Variants in TACR1 observed in about 807,000 individuals in gnomAD.
TACR1 encodes substance-P receptor.
In TACR1, 25 loss-of-function variants were observed where a neutral mutation model predicts 35.8. The ratio of observed to expected loss-of-function variants is 0.70; its 90% CI spans 0.51 to 0.98. TACR1 has a LOEUF of 0.98. TACR1 is among the 50% of genes least tolerant of loss of function. The pLI, the probability that TACR1 is intolerant of heterozygous loss-of-function variation, is 0.00. For missense variants in TACR1, 478 were observed against 522.9 expected, an observed-to-expected ratio of 0.91 and a Z score of 0.84; for synonymous variants, 195 against 206.7, an observed-to-expected ratio of 0.94 and a Z score of 0.48.
At chr2:75,084,675 A>T (rs899696796) in intron 2 of TACR1, among the ~76,000 whole-genome samples, 1 of 152,056 alleles carries the variant, frequency 6.6e-6, no homozygotes, top group African/African-American at 2.4e-5. Context: ...TGTGTCGAGG[A>T]ATTTATCCAT....
intron 2 of TACR1, among the ~76,000 whole-genome samples, chr2:75,115,339 T>A (rs760151183): frequency 6.6e-6 from 1 of 152,182 alleles, no homozygotes; most frequent in African/African-American, 2.4e-5. Context: ...CTTGATGATA[T>A]ACTTTGCTGG....
chr2:75,158,840 C>T (rs560036139), intron 1 of TACR1, among the ~76,000 whole-genome samples: 18 of 152,252 alleles, frequency 1.2e-4, no homozygotes, highest in African/African-American at 3.8e-4. Context: ...CGAACTCAAA[C>T]GGTCCCATGT....
At chr2:75,077,986 T>C (rs549534750) in intron 2 of TACR1, among the ~76,000 whole-genome samples, 1 of 152,356 alleles carries the variant, frequency 6.6e-6, no homozygotes, top group East Asian at 1.9e-4. Context: ...TTCTGGAGAA[T>C]CTGCATTTTA....
intron 2 of TACR1, among the ~76,000 whole-genome samples, chr2:75,100,150 A>T (rs923815676): frequency 2.0e-5 from 3 of 152,110 alleles, no homozygotes; most frequent in Non-Finnish European, 4.4e-5. Flanking sequence ...AGGATGATGT[A>T]GTAGCTAATG....
At chr2:75,132,177 A>G (rs956750171) in intron 1 of TACR1, among the ~76,000 whole-genome samples, 1 of 152,212 alleles carries the variant, frequency 6.6e-6, no homozygotes, top group African/African-American at 2.4e-5. Flanking sequence ...ATCAAAATAA[A>G]GTATAAAATT....
At chr2:75,185,473 G>A (rs1675669959) in intron 1 of TACR1, among the ~76,000 whole-genome samples, 1 of 151,772 alleles carries the variant, frequency 6.6e-6, no homozygotes, top group Non-Finnish European at 1.5e-5. Context: ...CCATCAAAAG[G>A]TTATAGCCTT....
chr2:75,120,230 G>T (rs956676263), intron 2 of TACR1, among the ~76,000 whole-genome samples: 2 of 152,106 alleles, frequency 1.3e-5, no homozygotes, highest in Middle Eastern at 3.2e-3. Context: ...AGAGAAGAGC[G>T]GCATTCTGTA....
At chr2:75,066,650 TC>T (rs1219664653) in intron 2 of TACR1, among the ~76,000 whole-genome samples, 1 of 152,202 alleles carries the variant, frequency 6.6e-6, no homozygotes, top group Non-Finnish European at 1.5e-5. Context: ...AGAGAGACTC[TC>T]GGTTAACTGA....
At chr2:75,051,543 G>C (rs1672471366) in intron 3 of TACR1, 96 bp from the exon 4 acceptor site, 1 of 1,548,472 alleles carries the variant, frequency 6.5e-7, no homozygotes, top group East Asian at 2.4e-5. Flanking sequence ...GCACAGTATG[G>C]GATGAAGCGA....
intron 1 of TACR1, among the ~76,000 whole-genome samples, chr2:75,178,373 CG>C (rs1558582827): frequency 6.6e-6 from 1 of 151,914 alleles, no homozygotes; most frequent in African/African-American, 2.4e-5. Context: ...TTAGTAGAGA[CG>C]GGGTTTCACC....
chr2:75,164,357 C>T (rs1327674471), intron 1 of TACR1, among the ~76,000 whole-genome samples: 1 of 148,200 alleles, frequency 6.7e-6, no homozygotes, highest in Non-Finnish European at 1.5e-5. Context: ...GCAGGAATGA[C>T]AATATTTATA....
chr2:75,064,269 GA>G (rs1672725989), intron 2 of TACR1, among the ~76,000 whole-genome samples: 1 of 152,160 alleles, frequency 6.6e-6, no homozygotes, highest in East Asian at 1.9e-4. Flanking sequence ...AATGGTGTTT[GA>G]GGAGGCAAGT....
At chr2:75,093,376 G>C (rs1014510241) in intron 2 of TACR1, among the ~76,000 whole-genome samples, 1 of 152,218 alleles carries the variant, frequency 6.6e-6, no homozygotes, top group African/African-American at 2.4e-5. Context: ...AGTGACAGCT[G>C]TAAGCCTTGC....
intron 2 of TACR1, among the ~76,000 whole-genome samples, chr2:75,070,705 G>A (rs1026963362): frequency 6.6e-6 from 1 of 152,206 alleles, no homozygotes; most frequent in African/African-American, 2.4e-5. Context: ...AACCAGAGAA[G>A]ACATGTACTG....
At chr2:75,192,703 T>A (rs1675878543) in intron 1 of TACR1, among the ~76,000 whole-genome samples, 1 of 152,110 alleles carries the variant, frequency 6.6e-6, no homozygotes, top group Admixed American at 6.5e-5. Context: ...ATTGCATGGG[T>A]CTTCAAGCTG....
At chr2:75,155,368 TTCTCC>T (rs1292010446) in intron 1 of TACR1, among the ~76,000 whole-genome samples, 6 of 152,160 alleles carry the variant, frequency 3.9e-5, no homozygotes, top group Non-Finnish European at 1.5e-5. Flanking sequence ...TCTGCCTCTC[TTCTCC>T]TCTCCTCTTT....
At chr2:75,140,610 C>T (rs1674382271) in intron 1 of TACR1, among the ~76,000 whole-genome samples, 1 of 152,180 alleles carries the variant, frequency 6.6e-6, no homozygotes, top group Non-Finnish European at 1.5e-5. Flanking sequence ...CCTTAAGAAG[C>T]CCTCCTTGAG....
intron 1 of TACR1, among the ~76,000 whole-genome samples, chr2:75,177,872 A>C (rs970664046): frequency 1.3e-5 from 2 of 152,118 alleles, no homozygotes; most frequent in Non-Finnish European, 2.9e-5. Flanking sequence ...TTCTGTAGTC[A>C]CTTCACCCTC....
chr2:75,073,355 T>C (rs1311797470), intron 2 of TACR1, among the ~76,000 whole-genome samples: 1 of 152,222 alleles, frequency 6.6e-6, no homozygotes, highest in Admixed American at 6.5e-5. Context: ...AGGAGAAGAA[T>C]GGAGTAGTAG....
Sources: allele counts gnomAD v4.1 joint callset (sites outside exome capture counted in the v4.1 genomes callset), GRCh38; gene constraint gnomAD v4.1.1; transcripts MANE v1.5; gene names NCBI Gene and HGNC (gene_info 2026-07-23, HGNC 2026-07-21).